Variants in RGS8 observed in about 807,000 individuals in gnomAD.
RGS8 encodes the protein regulator of G protein signaling 8.
Under a neutral mutation model 21.7 loss-of-function variants are expected in RGS8, and 8 were observed. The observed-to-expected ratio is 0.37, with a 90% CI of 0.22 to 0.66. The LOEUF is 0.66. RGS8 is among the 30% of genes least tolerant of loss of function. The pLI is 0.59. For synonymous variants in RGS8, 80 were observed against 83.6 expected, an observed-to-expected ratio of 0.96 and a Z score of 0.24; for missense variants, 157 against 217.9, an observed-to-expected ratio of 0.72 and a Z score of 1.76.
At chr1:182,650,519 A>G (rs1344475898) in intron 5 of RGS8, among the ~76,000 whole-genome samples, 3 of 152,200 alleles carry the variant, frequency 2.0e-5, no homozygotes, top group African/African-American at 7.2e-5. Flanking sequence ...ACTAAGCTTG[A>G]AGTCACAAGG....
At chr1:182,737,106 C>A in the RGS8 span, among the ~76,000 whole-genome samples, 1 of 151,952 alleles carries the variant, frequency 6.6e-6, no homozygotes, top group African/African-American at 2.4e-5. Context: ...AGGTGGCTAC[C>A]AGCATCCTTT....
the RGS8 span, among the ~76,000 whole-genome samples, chr1:182,720,094 A>G: frequency 2.6e-5 from 4 of 152,192 alleles, no homozygotes; most frequent in Non-Finnish European, 5.9e-5. Context: ...TATCTTAAAT[A>G]TTTTATTCAT....
intron 5 of RGS8, among the ~76,000 whole-genome samples, chr1:182,662,462 A>G (rs1663637772): frequency 6.6e-6 from 1 of 152,238 alleles, no homozygotes; most frequent in Non-Finnish European, 1.5e-5. Context: ...TAAGAGATTG[A>G]GAGATCCTAT....
At chr1:182,742,535 G>C in the RGS8 span, among the ~76,000 whole-genome samples, 1 of 152,250 alleles carries the variant, frequency 6.6e-6, no homozygotes, top group African/African-American at 2.4e-5. Context: ...TTAGGAGCTG[G>C]AGACCAGCCC....
At chr1:182,734,853 C>T in the RGS8 span, 1 of 152,142 alleles carries the variant, frequency 6.6e-6, no homozygotes, top group Non-Finnish European at 1.5e-5. Flanking sequence ...CGATGCTGAT[C>T]ATAGAAATAT....
rs998228387 is a variant in RGS8, at chr1:182,661,162, T to A, written c.193+4807A>T. 2.6e-5 allele frequency among the ~76,000 whole-genome samples: 4 copies of A among 151,836 alleles called. No individual in the cohort carries two copies. In the South Asian group the frequency reaches 8.4e-4, roughly 32 times the overall value. ...TTATATTTTTATATCTCAACCATTA[T>A]CTCAAAAGGGGCTAATTTTTAAAAA... is the stretch of plus-strand genomic sequence containing the variant. On this transcript the variant is annotated intron_variant, in intron 5 of 6. Transcript: ENST00000483095.
chr1:182,746,676 G>A, the RGS8 span, among the ~76,000 whole-genome samples: 9 of 150,322 alleles, frequency 6.0e-5, no homozygotes, highest in Non-Finnish European at 1.3e-4. Flanking sequence ...AAAGAAGGAG[G>A]AAAGAAAGAA....
the RGS8 span, among the ~76,000 whole-genome samples, chr1:182,751,566 G>A: frequency 6.6e-6 from 1 of 152,084 alleles, no homozygotes; most frequent in Non-Finnish European, 1.5e-5. Context: ...TGGCTCAGAG[G>A]AGCTTAAATG....
At chr1:182,674,209 C>T (rs1210636370), upstream of RGS8, among the ~76,000 whole-genome samples, 1 of 152,156 alleles carries the variant, frequency 6.6e-6, no homozygotes, top group Non-Finnish European at 1.5e-5. Flanking sequence ...GGGGTAAAGG[C>T]CCCAAGGAAA....
chr1:182,724,965 A>C, the RGS8 span, among the ~76,000 whole-genome samples: 1 of 152,196 alleles, frequency 6.6e-6, no homozygotes. Context: ...ATCCCACTGG[A>C]AAATAGCCTA....
At chr1:182,693,638 A>G in the RGS8 span, among the ~76,000 whole-genome samples, 1 of 152,254 alleles carries the variant, frequency 6.6e-6, no homozygotes, top group Non-Finnish European at 1.5e-5. Flanking sequence ...CCAAATGAAT[A>G]GAAATCATTC....
the RGS8 span, among the ~76,000 whole-genome samples, chr1:182,702,515 C>T: frequency 1.3e-5 from 2 of 152,240 alleles, no homozygotes; most frequent in South Asian, 2.1e-4. Context: ...TGCACATGTA[C>T]CCCTGAATCT....
At chr1:182,647,192 A>G (rs972894258) in intron 6 of RGS8, among the ~76,000 whole-genome samples, 4 of 152,268 alleles carry the variant, frequency 2.6e-5, no homozygotes, top group Non-Finnish European at 4.4e-5. Context: ...AGTTAGTAAC[A>G]GAGCCAAGGC....
the RGS8 span, among the ~76,000 whole-genome samples, chr1:182,702,377 A>C: frequency 6.6e-6 from 1 of 152,196 alleles, no homozygotes; most frequent in African/African-American, 2.4e-5. Flanking sequence ...CGAAAAGATG[A>C]CTAGAGTAGG....
chr1:182,645,494 T>C (rs530649162), downstream of RGS8: 8 of 152,312 alleles, frequency 5.3e-5, no homozygotes, highest in East Asian at 1.5e-3. Context: ...CTGACACATT[T>C]CCAAGAGCAG....
At chr1:182,648,070 C>A in intron 6 of RGS8, 67 bp downstream of exon 7, 1 of 1,411,284 alleles carries the variant, frequency 7.1e-7, no homozygotes, top group South Asian at 1.7e-5. Flanking sequence ...GGCTCAGATC[C>A]TCTCTGAGGA....
chr1:182,692,873 CG>C, the RGS8 span, among the ~76,000 whole-genome samples: 1 of 152,022 alleles, frequency 6.6e-6, no homozygotes, highest in East Asian at 1.9e-4. Context: ...AAACAAGCAA[CG>C]GGGAAAGGAT....
At chr1:182,676,235 A>G (rs1432075289), upstream of RGS8, among the ~76,000 whole-genome samples, 5 of 152,226 alleles carry the variant, frequency 3.3e-5, no homozygotes, top group Admixed American at 6.5e-5. Context: ...AATTTGCAAT[A>G]TAATATTTTA....
the RGS8 span, among the ~76,000 whole-genome samples, chr1:182,730,329 T>C: frequency 6.6e-6 from 1 of 152,124 alleles, no homozygotes; most frequent in African/African-American, 2.4e-5. Context: ...GCCCATGCAA[T>C]GCAGTAGTAA....
Sources: gnomAD v4.1 joint callset for allele counts (sites outside exome capture counted in the v4.1 genomes callset) on GRCh38, gnomAD v4.1.1 for gene constraint, MANE v1.5 for transcripts, NCBI Gene and HGNC (gene_info 2026-07-23, HGNC 2026-07-21) for gene names.